Variants in KCNG2 observed in about 807,000 individuals in gnomAD.
KCNG2 encodes the protein potassium voltage-gated channel modifier subfamily G member 2.
A neutral mutation model predicts 12.3 loss-of-function variants in KCNG2; 7 were observed. The ratio of observed to expected loss-of-function variants is 0.57; its 90% confidence interval spans 0.32 to 1.07. The LOEUF is 1.07. Among genes scored for constraint, KCNG2 ranks in the 50% least tolerant of loss-of-function variants. The probability of loss-of-function intolerance (pLI) is 0.04; values close to 1 mark genes in which losing one functional copy is unlikely to be tolerated. For missense variants in KCNG2, 703 were observed against 726.0 expected (o/e 0.97, Z 0.36); for synonymous variants, 414 against 351.4 (o/e 1.18, Z -1.99).
chr18:79,807,732 G>C (rs553361369), intron 1 of KCNG2, among the ~76,000 whole-genome samples: 2 of 151,926 alleles, frequency 1.3e-5, no homozygotes, highest in African/African-American at 2.4e-5. Flanking sequence ...CGCCACTGAC[G>C]GGCACTCCAT....
intron 1 of KCNG2, among the ~76,000 whole-genome samples, chr18:79,807,902 GCCGCGCTGACC>G (rs2087464317): frequency 9.1e-6 from 1 of 109,946 alleles, no homozygotes; most frequent in African/African-American, 4.1e-5. Context: ...AGCTGCCGGG[GCCGCGCTGACC>G]ACACTCCACG....
chr18:79,873,815 C>T (rs911069084), intron 3 of KCNG2, among the ~76,000 whole-genome samples: 1 of 152,210 alleles, frequency 6.6e-6, no homozygotes, highest in Admixed American at 6.5e-5. Context: ...TGGGACTTGG[C>T]GGGGAGTGGA....
chr18:79,876,505 T>C (rs1246573258), intron 3 of KCNG2, among the ~76,000 whole-genome samples: 1 of 152,242 alleles, frequency 6.6e-6, no homozygotes, highest in Non-Finnish European at 1.5e-5. Flanking sequence ...CTGCAGGTGC[T>C]GAGCCGTTGT....
At chr18:79,877,912 C>G (rs1439824721) in intron 3 of KCNG2, among the ~76,000 whole-genome samples, 4 of 152,254 alleles carry the variant, frequency 2.6e-5, no homozygotes, top group Non-Finnish European at 4.4e-5. Context: ...TGGCCCCACT[C>G]CATCCTCCAC....
chr18:79,864,357 G>A, intron 3 of KCNG2, 66 bp downstream of exon 3: 1 of 1,220,536 alleles, frequency 8.2e-7, no homozygotes, highest in South Asian at 1.8e-5. Flanking sequence ...CTGGGCTGCG[G>A]GGAGGTGGGT....
Position 79,822,276 on chromosome 18 carries a change from G to GC in KCNG2, c.-115+24266dup, listed in dbSNP as rs2087576527. On this transcript the variant is annotated intron_variant, in intron 1 of 3. Coordinates refer to ENST00000316249, the MANE Select transcript of KCNG2 (RefSeq NM_012283.2). This position sits in a 1 kb window ranked among gnomAD's most constrained non-coding sequence, Gnocchi z 4.4. ...TGGTCCAGACCAGGGATTCCCACTGGCCCCGCCCTGGTCACTACTTTAAAA... is the reference window on the plus strand; with the variant it reads ...TGGTCCAGACCAGGGATTCCCACTGGCCCCCGCCCTGGTCACTACTTTAAAA... Among the ~76,000 whole-genome samples, 1 of 152,036 alleles carries GC rather than the reference G, an allele frequency of 6.6e-6. No homozygotes were observed. The highest frequency in any genetic ancestry group is 1.5e-5 in the Non-Finnish European group (1 of 68,006).
chr18:79,823,934 A>G (rs573779659), intron 1 of KCNG2, among the ~76,000 whole-genome samples: 1 of 152,248 alleles, frequency 6.6e-6, no homozygotes, highest in Non-Finnish European at 1.5e-5. Flanking sequence ...TTGTAAAAAC[A>G]GTACACATTC....
At chr18:79,830,725 G>T (rs866762439) in intron 1 of KCNG2, among the ~76,000 whole-genome samples, 4 of 145,718 alleles carry the variant, frequency 2.7e-5, no homozygotes, top group Non-Finnish European at 4.6e-5. Flanking sequence ...GTTCCCTGCA[G>T]ACAGAGCCTT....
At position 79,863,655 on chromosome 18, in the gene KCNG2, TC is replaced by T; in HGVS notation, c.-11del. On this transcript the variant is annotated 5_prime_UTR_variant, in exon 3 of 4. Coordinates refer to ENST00000316249, the MANE Select transcript of KCNG2 (RefSeq NM_012283.2). ...GCCGGGCAGGAGCCCCTCGGTCCGG[TC>T]CGGCCCTGCGCATGGAGCCATGGCC... 8.3e-7 allele frequency: 1 copy of T among 1,212,056 alleles called. No individual in the cohort carries two copies. The highest frequency in any genetic ancestry group is 1.0e-6 in the Non-Finnish European group (1 of 974,146). 75.1% of individuals were successfully genotyped at this position (1,212,056 alleles called of 1,614,324 possible).
At chr18:79,825,754 G>C (rs2087609223) in intron 1 of KCNG2, among the ~76,000 whole-genome samples, 1 of 152,214 alleles carries the variant, frequency 6.6e-6, no homozygotes, top group Non-Finnish European at 1.5e-5. Flanking sequence ...AATTAGAATC[G>C]TTTTTATTCC....
At chr18:79,811,548 A>G (rs1023717844) in intron 1 of KCNG2, among the ~76,000 whole-genome samples, 1 of 152,230 alleles carries the variant, frequency 6.6e-6, no homozygotes, top group Non-Finnish European at 1.5e-5. Context: ...CAAAATGTCC[A>G]TGATACAATA....
At chr18:79,883,184 A>C (rs1980385789) in intron 3 of KCNG2, among the ~76,000 whole-genome samples, 1 of 152,004 alleles carries the variant, frequency 6.6e-6, no homozygotes, top group African/African-American at 2.4e-5. Flanking sequence ...CCAGGCCAGG[A>C]AGCCACGCTG....
intron 1 of KCNG2, among the ~76,000 whole-genome samples, chr18:79,811,272 A>G (rs2087492434): frequency 6.6e-6 from 1 of 152,264 alleles, no homozygotes; most frequent in African/African-American, 2.4e-5. Context: ...GTAAGTGAAA[A>G]AAATCTTTAA....
chr18:79,798,131 T>G (rs1302458460), intron 1 of KCNG2, among the ~76,000 whole-genome samples, 117 bp downstream of exon 1: 1 of 150,814 alleles, frequency 6.6e-6, no homozygotes, highest in Non-Finnish European at 1.5e-5. Flanking sequence ...CGCGCGCAGC[T>G]TCTTCTCCGG....
At chr18:79,849,647 C>T (rs1256937272) in intron 1 of KCNG2, among the ~76,000 whole-genome samples, 10 of 152,266 alleles carry the variant, frequency 6.6e-5, no homozygotes, top group Admixed American at 6.5e-4. Context: ...AGCGCGGACG[C>T]TTGCCTTTCT....
intron 3 of KCNG2, among the ~76,000 whole-genome samples, chr18:79,874,907 G>A (rs1468070947): frequency 6.6e-6 from 1 of 152,164 alleles, no homozygotes; most frequent in Non-Finnish European, 1.5e-5. Context: ...TGTGGTAGGA[G>A]TGGGGGTTCC....
At chr18:79,801,377 A>G (rs1451072532) in intron 1 of KCNG2, among the ~76,000 whole-genome samples, 1 of 152,096 alleles carries the variant, frequency 6.6e-6, no homozygotes, top group Non-Finnish European at 1.5e-5. Context: ...GGATCCTCAC[A>G]TCTCTTAGTC....
intron 1 of KCNG2, among the ~76,000 whole-genome samples, chr18:79,826,854 A>T (rs992359691): frequency 6.6e-6 from 1 of 152,282 alleles, no homozygotes; most frequent in Non-Finnish European, 1.5e-5. Flanking sequence ...TTACGTCATT[A>T]CGTTCAGTGA....
At chr18:79,849,187 G>C (rs919827981) in intron 1 of KCNG2, among the ~76,000 whole-genome samples, 5 of 152,248 alleles carry the variant, frequency 3.3e-5, no homozygotes, top group East Asian at 3.9e-4. Flanking sequence ...CTCGCAGCCT[G>C]GACCCCTCAA....
Sources: gnomAD v4.1 joint callset for allele counts (sites outside exome capture counted in the v4.1 genomes callset) on GRCh38, gnomAD v4.1.1 for gene constraint, Gnocchi (gnomAD v3.1) non-coding constraint, MANE v1.5 for transcripts, NCBI Gene and HGNC (gene_info 2026-07-23, HGNC 2026-07-21) for gene names.